ASMTL: variants seen among roughly 807,000 people sequenced by gnomAD.
The protein encoded by ASMTL is acetylserotonin O-methyltransferase like.
Under a neutral mutation model 60.3 loss-of-function variants are expected in ASMTL, and 57 were observed. The observed-to-expected ratio is 0.95, with a 90% CI of 0.76 to 1.18. The LOEUF (loss-of-function observed/expected upper bound fraction) is 1.18, where lower values mean the gene tolerates loss of function less well. Ranked by LOEUF, ASMTL falls within the 50% of genes most tolerant of loss-of-function variation. ASMTL has a pLI of 0.00. For synonymous variants in ASMTL, 419 were observed against 373.0 expected (o/e 1.12, Z -1.42); for missense variants, 981 against 852.6 (o/e 1.15, Z -1.88).
intron 12 of ASMTL, among the ~76,000 whole-genome samples, chrX:1,411,461 C>G (rs1457063214): frequency 3.3e-5 from 5 of 152,176 alleles, no homozygotes; most frequent in Non-Finnish European, 5.9e-5. Flanking sequence ...ATATGCAGCC[C>G]TGGCCCGAAC....
intron 2 of ASMTL, among the ~76,000 whole-genome samples, chrX:1,440,241 C>T (rs1387144336): frequency 2.0e-5 from 3 of 152,050 alleles, no homozygotes; most frequent in African/African-American, 7.2e-5. Flanking sequence ...CGCCCGCCAC[C>T]GCGCCCAGCC....
chrX:1,412,457 A>C (rs1190319955), intron 12 of ASMTL, among the ~76,000 whole-genome samples: 1 of 151,962 alleles, frequency 6.6e-6, no homozygotes, highest in Non-Finnish European at 1.5e-5. Flanking sequence ...CGAACTGCTC[A>C]CCCCGGGTGA....
intron 6 of ASMTL, among the ~76,000 whole-genome samples, chrX:1,431,263 TTA>T (rs1459427069): frequency 1.6e-5 from 2 of 127,380 alleles, no homozygotes; most frequent in African/African-American, 3.0e-5. Flanking sequence ...ATATATGTAA[TTA>T]TATATTTATA....
intron 11 of ASMTL, among the ~76,000 whole-genome samples, chrX:1,414,835 C>G (rs2090172622): frequency 6.6e-6 from 1 of 152,194 alleles, no homozygotes; most frequent in Admixed American, 6.5e-5. Flanking sequence ...AGAAAAGCAT[C>G]CAGGAACCTC....
At chrX:1,440,164 G>A (rs2091075244) in intron 2 of ASMTL, among the ~76,000 whole-genome samples, 1 of 150,900 alleles carries the variant, frequency 6.6e-6, no homozygotes, top group South Asian at 2.1e-4. Flanking sequence ...TCGGCTCACT[G>A]CAAGCTCCGC....
Position 1,403,461 on chromosome X carries a change from G to A in ASMTL, c.1674C>T (p.Leu558=). 1 of 1,613,130 alleles carries A rather than the reference G, an allele frequency of 6.2e-7. No individual in the cohort carries two copies. Among genetic ancestry groups the A allele is most frequent in the Non-Finnish European group, 8.5e-7 (1 of 1,179,858 alleles). ...PGAGLLLVET[L]LDEEKRVAQR... is the part of the protein sequence containing the mutation. Reference sequence around the variant, plus strand: ...GCGCCACCCTCTTCTCCTCATCCAGGAGCGTCTCCACCAGCAGCAGGCCGG... The same window carrying A: ...GCGCCACCCTCTTCTCCTCATCCAGAAGCGTCTCCACCAGCAGCAGGCCGG... The change falls in exon 13 of 13, where the codon CTC becomes CTT. Residue 558 remains leucine (L), a synonymous_variant. Transcript: ENST00000381317.
intron 1 of ASMTL, among the ~76,000 whole-genome samples, chrX:1,450,707 CA>C (rs2091345281): frequency 7.3e-6 from 1 of 136,394 alleles, no homozygotes; most frequent in Non-Finnish European, 1.6e-5. Context: ...TCACACTCCC[CA>C]ACCCCATCCC....
Position 1,427,905 on chromosome X carries a change from C to T in ASMTL, c.726G>A (p.Glu242=). Residue 242 remains glutamate (E), a synonymous_variant, in exon 7 of 13, where the codon GAG becomes GAA. Transcript: ENST00000381317. Reference sequence around the variant, plus strand: ...TCTGAGTGGGCTCCGAGCCGCCCCCCTCCACGTCACTGAGGTCTTCGAAGG... The same window carrying T: ...TCTGAGTGGGCTCCGAGCCGCCCCCTTCCACGTCACTGAGGTCTTCGAAGG... ...ADTFEDLSDV[E]GGGSEPTQRD... is the part of the protein sequence containing the mutation. 1 of 1,613,342 alleles carries T rather than the reference C, an allele frequency of 6.2e-7. No homozygotes were observed. Among genetic ancestry groups the T allele is most frequent in the Non-Finnish European group, 8.5e-7 (1 of 1,179,840 alleles).
chrX:1,440,973 A>C (rs1163086697), intron 2 of ASMTL, among the ~76,000 whole-genome samples: 4 of 152,136 alleles, frequency 2.6e-5, no homozygotes, highest in African/African-American at 9.7e-5. Flanking sequence ...TATTATATTC[A>C]AACATAGTAA....
At chrX:1,411,225 G>A (rs1215715448) in intron 12 of ASMTL, among the ~76,000 whole-genome samples, 2 of 29,858 alleles carry the variant, frequency 6.7e-5, no homozygotes, top group East Asian at 1.3e-3. Context: ...AAGAGAGAAA[G>A]AAGGAGAGAC....
chrX:1,414,262 G>C (rs1405201884), intron 11 of ASMTL, among the ~76,000 whole-genome samples: 1 of 152,160 alleles, frequency 6.6e-6, no homozygotes, highest in Non-Finnish European at 1.5e-5. Flanking sequence ...GAGATGCCTT[G>C]ATCTCAGACC....
chrX:1,416,355 GCA>G (rs374210924), intron 11 of ASMTL, among the ~76,000 whole-genome samples: 3 of 77,310 alleles, frequency 3.9e-5, no homozygotes, highest in African/African-American at 1.2e-4. Context: ...ACAGTGACAG[GCA>G]CACACAGACG....
intron 1 of ASMTL, among the ~76,000 whole-genome samples, chrX:1,451,418 C>T (rs747853571): frequency 7.2e-4 from 108 of 150,770 alleles, no homozygotes; most frequent in African/African-American, 2.5e-3. Flanking sequence ...TCTCCCCAAC[C>T]CCATGCCTAG....
At chrX:1,418,792 T>G in intron 10 of ASMTL, 190 bp downstream of exon 10, 1 of 246,640 alleles carries the variant, frequency 4.1e-6, no homozygotes, top group Non-Finnish European at 6.5e-6. Context: ...TAGGGGGGCA[T>G]TTAGGCATCC....
intron 1 of ASMTL, among the ~76,000 whole-genome samples, chrX:1,443,700 CTG>C (rs1411811615): frequency 1.4e-5 from 2 of 139,608 alleles, no homozygotes; most frequent in African/African-American, 5.2e-5. Context: ...TGGACACACA[CTG>C]CCATCTTGGC....
intron 3 of ASMTL, among the ~76,000 whole-genome samples, chrX:1,436,238 G>A (rs1384882134): frequency 6.6e-6 from 1 of 152,030 alleles, no homozygotes; most frequent in Non-Finnish European, 1.5e-5. Context: ...CAGTGGCACG[G>A]TCTTGGCTCA....
At chrX:1,412,680 C>A (rs1198282943) in intron 12 of ASMTL, 52 bp downstream of exon 12, 6 of 1,612,320 alleles carry the variant, frequency 3.7e-6, no homozygotes, top group Non-Finnish European at 5.1e-6. Context: ...AAAACTTGAA[C>A]CCAAAATACT....
At chrX:1,422,796 G>A (rs1451656559) in intron 8 of ASMTL, among the ~76,000 whole-genome samples, 1 of 152,130 alleles carries the variant, frequency 6.6e-6, no homozygotes, top group African/African-American at 2.4e-5. Flanking sequence ...ATGAATAAAT[G>A]ATGAGACCTA....
At chrX:1,431,218 ATATAAT>A (rs1227244404) in intron 6 of ASMTL, among the ~76,000 whole-genome samples, 1 of 125,470 alleles carries the variant, frequency 8.0e-6, no homozygotes, top group Non-Finnish European at 1.6e-5. Context: ...AATTAATTAT[ATATAAT>A]TATAAATTAT....
Sources: gnomAD v4.1 joint callset for allele counts (sites outside exome capture counted in the v4.1 genomes callset) on GRCh38, gnomAD v4.1.1 for gene constraint, MANE v1.5 for transcripts, NCBI Gene and HGNC (gene_info 2026-07-23, HGNC 2026-07-21) for gene names.